SLC27A4: variants seen among roughly 807,000 people sequenced by gnomAD.
SLC27A4 encodes solute carrier family 27 member 4.
Under a neutral mutation model 64.4 loss-of-function variants are expected in SLC27A4, and 33 were observed. That is an observed-to-expected ratio of 0.51 (90% CI 0.39 to 0.68). SLC27A4 has a LOEUF of 0.68. Among genes scored for constraint, SLC27A4 ranks in the 30% least tolerant of loss-of-function variants. SLC27A4 has a pLI of 0.00. For synonymous variants in SLC27A4, 377 were observed against 370.0 expected (o/e 1.02, Z -0.22); for missense variants, 824 against 883.5 (o/e 0.93, Z 0.85).
chr9:128,342,546 G>C (rs1485999748), intron 1 of SLC27A4: 4 of 705,014 alleles, frequency 5.7e-6, no homozygotes, highest in Middle Eastern at 4.5e-4. Context: ...TCTCCCATCT[G>C]TCTATCTGGC....
rs760959675 is a variant in SLC27A4 at position 128,355,622 on chromosome 9, T to C, written c.1628-28T>C. 4 of 1,607,852 alleles carry C rather than the reference T, an allele frequency of 2.5e-6. No individual in the cohort carries two copies. The African/African-American group carries it at 5.3e-5, about 21-fold the overall frequency. On this transcript the variant is annotated intron_variant, in intron 11 of 12. Coordinates refer to ENST00000300456, the MANE Select transcript of SLC27A4 (RefSeq NM_005094.4). ...GGCACCACCCAGGGGCACCACCAGC[T>C]ACTCAGTGTCTACCCTGCCACCCCC... is the stretch of plus-strand genomic sequence containing the variant.
At position 128,344,537 on chromosome 9, in the gene SLC27A4, AC is replaced by A. The variant is rs926396043; in HGVS notation, c.162-617del. The stretch of plus-strand genomic sequence containing the variant: ...CCATCTCAAAAAAAAAAACAAAAAA[AC>A]AAAGGTGGCAGGAATGGGATGTTGC... On this transcript the variant is annotated intron_variant, in intron 2 of 12. Transcript: ENST00000300456. Among the ~76,000 whole-genome samples the A allele has an allele frequency of 7.9e-5, 12 of 152,156 alleles. No individual in the cohort carries two copies. In the East Asian group the frequency reaches 2.1e-3, roughly 27 times the overall value.
intron 3 of SLC27A4, among the ~76,000 whole-genome samples, chr9:128,347,770 C>G (rs2131257370): frequency 6.6e-6 from 1 of 150,842 alleles, no homozygotes; most frequent in East Asian, 1.9e-4. Flanking sequence ...TGCCTGTAAT[C>G]CCAGCACTTT....
At position 128,360,843 on chromosome 9, in the gene SLC27A4, G is replaced by A. The variant is rs1221194481; in HGVS notation, c.*352G>A. The A allele has an allele frequency of 3.0e-6, 1 of 333,050 alleles. No individual in the cohort carries two copies. Among genetic ancestry groups the A allele is most frequent in the Non-Finnish European group, 5.8e-6 (1 of 172,754 alleles). The allele number at this position is 333,050 out of a possible 1,614,324, so 20.6% of individuals were successfully genotyped here. ...CAGGGAGCTTATAAATGGAACCAGA[G>A]CAGAAGTCCCCAGACTCAGGAAGTC... On this transcript the variant is annotated 3_prime_UTR_variant, in exon 13 of 13. Coordinates refer to ENST00000300456, the MANE Select transcript of SLC27A4 (RefSeq NM_005094.4).
rs1020447611 is a variant in SLC27A4, at chr9:128,340,858, G to C, written c.-7+20G>C. 1.5e-6 allele frequency: 1 copy of C among 648,502 alleles called. No homozygotes were observed. Among genetic ancestry groups the C allele is most frequent in the Non-Finnish European group, 2.9e-6 (1 of 350,362 alleles). 40.2% of individuals were successfully genotyped at this position (648,502 alleles called of 1,614,324 possible). On this transcript the variant is annotated intron_variant, in intron 1 of 12. Transcript: ENST00000300456. ...CGCCGGGTGAGCATAGACCGGGCTG[G>C]TGGGTTCCCGGGTGGGGACATGTGC... is the stretch of plus-strand genomic sequence containing the variant.
At chr9:128,359,993 T>G (rs971716603) in intron 12 of SLC27A4, among the ~76,000 whole-genome samples, 2 of 152,270 alleles carry the variant, frequency 1.3e-5, no homozygotes, top group Admixed American at 1.3e-4. Flanking sequence ...ACCTGGTAGG[T>G]ACTCAAAGGG....
At chr9:128,356,777 A>C (rs1418241413) in intron 12 of SLC27A4, among the ~76,000 whole-genome samples, 3 of 148,612 alleles carry the variant, frequency 2.0e-5, no homozygotes, top group African/African-American at 7.6e-5. Context: ...TGCCATCTCC[A>C]CTAAAAATAC....
Position 128,345,503 on chromosome 9 carries a change from C to A in SLC27A4, c.510C>A (p.Thr170=). Residue 170 remains threonine, a synonymous_variant, in exon 3 of 13, where the codon ACC becomes ACA. Transcript: ENST00000300456. The surrounding 1 kb of genome is among the most constrained non-coding windows in gnomAD (Gnocchi z 4.1). ...GGGATGCTCTGCTCCACTGCCTCAC[C>A]ACCTCGCGCGCACGGGCCCTTGTCT... ...LRRDALLHCL[T]TSRARALVFG... is the part of the protein sequence containing the mutation. The A allele has an allele frequency of 6.2e-7, 1 of 1,611,144 alleles. No homozygotes were observed. Among genetic ancestry groups the A allele is most frequent in the Non-Finnish European group, 8.5e-7 (1 of 1,179,132 alleles).
chr9:128,346,932 G>T (rs60358954), intron 3 of SLC27A4, among the ~76,000 whole-genome samples: 1 of 152,018 alleles, frequency 6.6e-6, no homozygotes, highest in Non-Finnish European at 1.5e-5. Flanking sequence ...TTGAACCCAG[G>T]AGACAGAGGT....
At chr9:128,346,608 A>G (rs1832661054) in intron 3 of SLC27A4, among the ~76,000 whole-genome samples, 2 of 151,770 alleles carry the variant, frequency 1.3e-5, no homozygotes, top group Admixed American at 6.6e-5. Context: ...AGGCTGAGGC[A>G]GGAGGATCAC....
At chr9:128,344,523 A>C (rs1036622787) in intron 2 of SLC27A4, among the ~76,000 whole-genome samples, 1 of 152,106 alleles carries the variant, frequency 6.6e-6, no homozygotes, top group Non-Finnish European at 1.5e-5. Context: ...CATCTCAAAA[A>C]AAAAAACAAA....
chr9:128,341,222 T>G (rs1185828394), intron 1 of SLC27A4, among the ~76,000 whole-genome samples: 2 of 152,178 alleles, frequency 1.3e-5, no homozygotes, highest in African/African-American at 4.8e-5. Context: ...TCCCAGGGCT[T>G]CTTGTGGTCC....
chr9:128,356,113 G>A (rs1310766633), intron 12 of SLC27A4, among the ~76,000 whole-genome samples: 1 of 152,104 alleles, frequency 6.6e-6, no homozygotes, highest in African/African-American at 2.4e-5. Flanking sequence ...GTAAAGAATC[G>A]ACCACATAAT....
rs763450906 is a variant in SLC27A4 at position 128,353,441 on chromosome 9, C to T, written c.1224C>T (p.Arg408=). ...SQVGACGFNS[R]ILSFVYPIRL... Reference sequence around the variant, plus strand: ...TGGGGGCCTGTGGTTTCAATAGCCGCATCCTGTCCTTCGTGTACCCCATCC... The same window carrying T: ...TGGGGGCCTGTGGTTTCAATAGCCGTATCCTGTCCTTCGTGTACCCCATCC... The change falls in exon 9 of 13, where the codon CGC becomes CGT. Residue 408 remains arginine (R), a synonymous_variant. Coordinates refer to ENST00000300456, the MANE Select transcript of SLC27A4 (RefSeq NM_005094.4). The surrounding 1 kb of genome is among the most constrained non-coding windows in gnomAD (Gnocchi z 4.9). The T allele has an allele frequency of 6.2e-7, 1 of 1,614,186 alleles. No homozygotes were observed. Among genetic ancestry groups the T allele is most frequent in the South Asian group, 1.1e-5 (1 of 91,086 alleles).
chr9:128,360,381 C>T lies in SLC27A4; in HGVS notation c.1822C>T (p.Pro608Ser). ...KTELRKEGFD[P>S]AIVKDPLFYL... ...AGAGCTACGGAAGGAGGGCTTTGAC[C>T]CGGCTATTGTGAAAGACCCGCTGTT... Residue 608 changes from proline (P) to serine (S), a missense_variant, in exon 13 of 13, where the codon CCG (proline) becomes TCG (serine). Pro to Ser is a moderately conservative substitution (Grantham distance 74). Transcript: ENST00000300456. 6.2e-7 allele frequency: 1 copy of T among 1,614,146 alleles called. No individual in the cohort carries two copies. Among genetic ancestry groups the T allele is most frequent in the South Asian group, 1.1e-5 (1 of 91,074 alleles).
chr9:128,348,513 G>C, intron 3 of SLC27A4, 32 bp from the exon 4 acceptor site: 1 of 1,611,448 alleles, frequency 6.2e-7, no homozygotes, highest in Non-Finnish European at 8.5e-7. Context: ...GGGTTTTCTG[G>C]CCTGCCTGCT....
At chr9:128,342,634 A>G in intron 1 of SLC27A4, 1 of 442,276 alleles carries the variant, frequency 2.3e-6, no homozygotes, top group Non-Finnish European at 4.3e-6. Flanking sequence ...GAGTAAAACC[A>G]GGCTGGCCCA....
At position 128,360,411 on chromosome 9, in the gene SLC27A4, C is replaced by T. The variant is rs773734372; in HGVS notation, c.1852C>T (p.Leu618=). Residue 618 remains leucine (L), a synonymous_variant, in exon 13 of 13, where the codon CTA becomes TTA. Transcript: ENST00000300456. ...PAIVKDPLFY[L]DAQKGRYVPL... is the part of the protein sequence containing the mutation. ...TATTGTGAAAGACCCGCTGTTCTAT[C>T]TAGATGCCCAGAAGGGCCGCTACGT... 1 of 1,614,072 alleles carries T rather than the reference C, an allele frequency of 6.2e-7. No homozygotes were observed. The highest frequency in any genetic ancestry group is 1.3e-5 in the African/African-American group (1 of 74,938).
intron 6 of SLC27A4, 138 bp downstream of exon 6, chr9:128,350,713 T>G (rs996705849): frequency 1.3e-6 from 1 of 751,346 alleles, no homozygotes; most frequent in Non-Finnish European, 2.3e-6. Flanking sequence ...CCCAGCACTT[T>G]GGGAGGCCAA....
Sources: gnomAD v4.1 joint callset for allele counts (sites outside exome capture counted in the v4.1 genomes callset) on GRCh38, gnomAD v4.1.1 for gene constraint, Gnocchi (gnomAD v3.1) non-coding constraint, MANE v1.5 for transcripts, NCBI Gene and HGNC (gene_info 2026-07-23, HGNC 2026-07-21) for gene names.